The following CDH18 variants were observed in gnomAD, a reference collection of about 807,000 sequenced individuals.
The protein encoded by CDH18 is cadherin 18.
CDH18 carries 31 observed loss-of-function variants against 67.9 expected under a neutral mutation model. That is an observed-to-expected ratio of 0.46 (90% CI 0.34 to 0.62). The LOEUF (loss-of-function observed/expected upper bound fraction) is 0.62. Among genes scored for constraint, CDH18 ranks in the 20% least tolerant of loss-of-function variants. The pLI is 0.01. For synonymous variants in CDH18, 362 were observed against 347.2 expected (o/e 1.04, Z -0.48); for missense variants, 890 against 975.5 (o/e 0.91, Z 1.17).
At chr5:20,242,498 C>G (rs1743007844) in intron 2 of CDH18, among the ~76,000 whole-genome samples, 1 of 149,922 alleles carries the variant, frequency 6.7e-6, no homozygotes, top group Non-Finnish European at 1.5e-5. Context: ...TGGCTTATTT[C>G]TGTAATACTG....
chr5:19,483,228 T>A, intron 12 of CDH18, 73 bp downstream of exon 12: 1 of 1,476,878 alleles, frequency 6.8e-7, no homozygotes, highest in Non-Finnish European at 9.2e-7. Flanking sequence ...TGCCTAATCC[T>A]TAAGATTTGT....
At chr5:20,308,016 C>A (rs1360958805) in intron 1 of CDH18, among the ~76,000 whole-genome samples, 12 of 148,174 alleles carry the variant, frequency 8.1e-5, no homozygotes, top group Non-Finnish European at 1.2e-4. Context: ...TTAAAAACTG[C>A]ACATTAGAAT....
At chr5:20,140,228 A>G (rs1189650567) in intron 2 of CDH18, among the ~76,000 whole-genome samples, 2 of 152,164 alleles carry the variant, frequency 1.3e-5, no homozygotes, top group East Asian at 3.9e-4. Context: ...ATAGAAAACC[A>G]AACACTACAT....
At chr5:20,550,093 T>C (rs1042566036) in intron 1 of CDH18, among the ~76,000 whole-genome samples, 2 of 152,128 alleles carry the variant, frequency 1.3e-5, no homozygotes, top group African/African-American at 4.8e-5. Context: ...TATAAGACAA[T>C]GTGTTCAATT....
chr5:20,525,801 TACACACACAC>T (rs61256041), intron 1 of CDH18, among the ~76,000 whole-genome samples: 3,078 of 148,728 alleles, frequency 0.021, 48 homozygotes, highest in African/African-American at 0.042. Flanking sequence ...GCTTCCACTA[TACACACACAC>T]ACACACACAC....
chr5:20,098,673 A>G (rs1746194297), intron 2 of CDH18, among the ~76,000 whole-genome samples: 2 of 152,110 alleles, frequency 1.3e-5, no homozygotes, highest in South Asian at 4.1e-4. Context: ...TCCAATCAGG[A>G]AAACTTCAAA....
chr5:19,910,242 T>A (rs998513246), intron 2 of CDH18, among the ~76,000 whole-genome samples: 3 of 152,208 alleles, frequency 2.0e-5, no homozygotes, highest in Non-Finnish European at 4.4e-5. Flanking sequence ...TATATTCTAG[T>A]GAACTAGAGC....
intron 2 of CDH18, among the ~76,000 whole-genome samples, chr5:19,996,881 T>C (rs1052507607): frequency 6.6e-6 from 1 of 152,096 alleles, no homozygotes; most frequent in East Asian, 1.9e-4. Context: ...TAAATATATA[T>C]ACATACATAC....
chr5:20,512,554 G>A (rs1407098552), intron 1 of CDH18, among the ~76,000 whole-genome samples: 1 of 151,916 alleles, frequency 6.6e-6, no homozygotes, highest in Non-Finnish European at 1.5e-5. Context: ...CTGTATTTCT[G>A]TAATTTGTAA....
At chr5:20,516,121 C>T (rs780754690) in intron 1 of CDH18, among the ~76,000 whole-genome samples, 1 of 151,822 alleles carries the variant, frequency 6.6e-6, no homozygotes, top group African/African-American at 2.4e-5. Flanking sequence ...ATAATGAATG[C>T]TAATTGTAAG....
chr5:19,843,251 T>C (rs1165746832), intron 2 of CDH18, among the ~76,000 whole-genome samples: 2 of 152,172 alleles, frequency 1.3e-5, no homozygotes, highest in Non-Finnish European at 2.9e-5. Context: ...GCCCAGTGCC[T>C]TGCTGCTTTG....
At chr5:20,430,021 A>G (rs941837722) in intron 1 of CDH18, among the ~76,000 whole-genome samples, 1 of 152,172 alleles carries the variant, frequency 6.6e-6, no homozygotes, top group Non-Finnish European at 1.5e-5. Flanking sequence ...TTTTCTTGAA[A>G]TATAGATTAC....
chr5:20,292,412 G>A (rs1242648205), intron 1 of CDH18, among the ~76,000 whole-genome samples: 1 of 152,188 alleles, frequency 6.6e-6, no homozygotes, highest in Non-Finnish European at 1.5e-5. Flanking sequence ...ATAGCTGAGT[G>A]TCCAGAATGC....
chr5:19,730,972 C>G (rs981072028), intron 4 of CDH18, among the ~76,000 whole-genome samples: 5 of 152,126 alleles, frequency 3.3e-5, no homozygotes, highest in African/African-American at 1.2e-4. Context: ...GATGAGGAGG[C>G]TTTCTGCTGG....
intron 1 of CDH18, among the ~76,000 whole-genome samples, chr5:19,982,228 C>G (rs945701196): frequency 6.6e-6 from 1 of 151,896 alleles, no homozygotes; most frequent in African/African-American, 2.4e-5. Context: ...ACAAATGACT[C>G]AAAAAGTGGG....
chr5:20,470,536 A>T (rs2102433), intron 1 of CDH18, among the ~76,000 whole-genome samples: 143,699 of 152,184 alleles, frequency 0.94, 67,996 homozygotes, highest in East Asian at 1. Flanking sequence ...TAGTTAATGA[A>T]CTTGTTTCCA....
chr5:19,597,410 C>A (rs75403380), intron 6 of CDH18, among the ~76,000 whole-genome samples: 126 of 152,306 alleles, frequency 8.3e-4, no homozygotes, highest in Non-Finnish European at 1.6e-3. Context: ...AAGCTATACA[C>A]ACTTTTGCAG....
At chr5:20,288,232 T>C (rs1746835846) in intron 1 of CDH18, among the ~76,000 whole-genome samples, 1 of 151,928 alleles carries the variant, frequency 6.6e-6, no homozygotes, top group African/African-American at 2.4e-5. Flanking sequence ...CTCAGATGAC[T>C]GAAATCCTTA....
At chr5:19,935,202 T>A (rs1794105062) in intron 2 of CDH18, among the ~76,000 whole-genome samples, 1 of 151,288 alleles carries the variant, frequency 6.6e-6, no homozygotes, top group Admixed American at 6.6e-5. Context: ...GCTTCTTACA[T>A]CTTAAGGCAA....
Sources: gnomAD v4.1 joint callset for allele counts (sites outside exome capture counted in the v4.1 genomes callset) on GRCh38, gnomAD v4.1.1 for gene constraint, MANE v1.5 for transcripts, NCBI Gene and HGNC (gene_info 2026-07-23, HGNC 2026-07-21) for gene names.